The following FAM151B variants were observed in gnomAD, a reference collection of about 807,000 sequenced individuals.
FAM151B encodes protein FAM151B.
FAM151B carries 24 observed loss-of-function variants against 31.2 expected under a neutral mutation model. That is an observed-to-expected ratio of 0.77 (90% CI 0.56 to 1.08). FAM151B has a LOEUF of 1.08. Ranked by LOEUF, FAM151B falls within the 50% of genes least tolerant of loss-of-function variation. FAM151B has a pLI of 0.00. For missense variants in FAM151B, 293 were observed against 328.6 expected (o/e 0.89, Z 0.84); for synonymous variants, 105 against 111.4 (o/e 0.94, Z 0.36).
intron 1 of FAM151B, among the ~76,000 whole-genome samples, chr5:80,499,232 G>C (rs1459165037): frequency 6.6e-6 from 1 of 152,150 alleles, no homozygotes; most frequent in East Asian, 1.9e-4. Context: ...GTATGGAATA[G>C]ATCTGGGTTC....
chr5:80,534,741 C>G (rs556493507), intron 5 of FAM151B, among the ~76,000 whole-genome samples: 1 of 152,002 alleles, frequency 6.6e-6, no homozygotes, highest in Non-Finnish European at 1.5e-5. Context: ...TAACATAGTA[C>G]TAGAAGTCCT....
rs138638639 is a variant in FAM151B at position 80,499,332 on chromosome 5, T to C, written c.26-2460T>C. 7.6e-4 allele frequency among the ~76,000 whole-genome samples: 116 copies of C among 152,322 alleles called. No homozygotes were observed. In the Middle Eastern group the frequency reaches 0.01, roughly 13 times the overall value. On this transcript the variant is annotated intron_variant, in intron 1 of 5. Transcript: ENST00000282226. ...GAAAATATGTTATACCAAAAAGTAG[T>C]TGAAAGATATGAGAATTATGTATAT...
At chr5:80,514,357 C>T (rs376580726) in intron 3 of FAM151B, among the ~76,000 whole-genome samples, 2 of 151,794 alleles carry the variant, frequency 1.3e-5, no homozygotes, top group East Asian at 1.9e-4. Context: ...CGCCTGTAAT[C>T]ACAGCTACTG....
intron 1 of FAM151B, chr5:80,501,213 T>C: frequency 3.1e-6 from 1 of 325,728 alleles, no homozygotes; most frequent in Middle Eastern, 1.1e-3. Flanking sequence ...AGAGACAGGG[T>C]TCCACCATGT....
At chr5:80,496,941 G>A (rs1221583528) in intron 1 of FAM151B, among the ~76,000 whole-genome samples, 4 of 151,056 alleles carry the variant, frequency 2.6e-5, no homozygotes, top group African/African-American at 9.7e-5. Flanking sequence ...CTCCTGAGTA[G>A]CTGGGACTAC....
chr5:80,530,176 A>T (rs191096425), intron 5 of FAM151B, among the ~76,000 whole-genome samples: 12 of 152,188 alleles, frequency 7.9e-5, no homozygotes, highest in Admixed American at 7.2e-4. Flanking sequence ...CCTTTGACAA[A>T]ATTCAACAGC....
intron 2 of FAM151B, among the ~76,000 whole-genome samples, chr5:80,505,380 A>C (rs1045577942): frequency 6.6e-6 from 1 of 150,806 alleles, no homozygotes; most frequent in African/African-American, 2.5e-5. Context: ...GACATAGCAA[A>C]CATCCATTGA....
At chr5:80,527,193 T>A (rs1459481837) in intron 5 of FAM151B, among the ~76,000 whole-genome samples, 1 of 151,978 alleles carries the variant, frequency 6.6e-6, no homozygotes, top group African/African-American at 2.4e-5. Flanking sequence ...GAGGCCAAGG[T>A]GGGTGGATCA....
Position 80,538,485 on chromosome 5 carries a change from TCCTTCCTTCCTTC to T in FAM151B, c.672-3186_672-3174del, listed in dbSNP as rs1561383856. ...TTCTTTCTTTCTTTCTTTCTTTCTTTCCTTCCTTCCTTCCTTTCTTTTCTTTCTTTCCTTCCTT... is the reference window on the plus strand; with the variant it reads ...TTCTTTCTTTCTTTCTTTCTTTCTTTCTTTCTTTTCTTTCTTTCCTTCCTT... On this transcript the variant is annotated intron_variant, in intron 5 of 5. Transcript: ENST00000282226. Among the ~76,000 whole-genome samples, 43 of 134,060 alleles carry T rather than the reference TCCTTCCTTCCTTC, an allele frequency of 3.2e-4. 3 individuals are homozygous for T. The highest frequency in any genetic ancestry group is 1.1e-3 in the African/African-American group (37 of 33,430). The allele number at this position is 134,060 out of a possible 152,430, so 87.9% of individuals were successfully genotyped here.
Position 80,522,261 on chromosome 5 carries a change from A to C in FAM151B, c.671+123A>C, listed in dbSNP as rs141711375. ...GAAAGGTAGACAGAAAAGGAATGAAAACTGATGATATAAGCGCACAGACTC... is the reference window on the plus strand; with the variant it reads ...GAAAGGTAGACAGAAAAGGAATGAACACTGATGATATAAGCGCACAGACTC... On this transcript the variant is annotated intron_variant, in intron 5 of 5. Coordinates refer to ENST00000282226, the MANE Select transcript of FAM151B (RefSeq NM_205548.3). 1,440 of 1,036,402 alleles carry C rather than the reference A, an allele frequency of 1.4e-3. 9 individuals carry two copies. The African/African-American group carries it at 0.018, about 13-fold the overall frequency. The allele number at this position is 1,036,402 out of a possible 1,614,324, so 64.2% of individuals were successfully genotyped here.
intron 3 of FAM151B, among the ~76,000 whole-genome samples, chr5:80,519,487 C>A (rs1744605176): frequency 6.6e-6 from 1 of 152,190 alleles, no homozygotes. Flanking sequence ...AAGGTATATT[C>A]ATGAATAATA....
At chr5:80,512,433 C>T (rs893207939) in intron 2 of FAM151B, among the ~76,000 whole-genome samples, 2 of 152,124 alleles carry the variant, frequency 1.3e-5, no homozygotes, top group Non-Finnish European at 2.9e-5. Context: ...GTAAAGTGGC[C>T]TCTGAAGTGT....
chr5:80,513,789 C>A lies in FAM151B; in HGVS notation c.317+20C>A, dbSNP rs760779236. ...CAAAAGGTATTTGTATAAACACGTT[C>A]AATTTTCTGGGAAAAAAGTAATAGC... On this transcript the variant is annotated intron_variant, in intron 3 of 5. Transcript: ENST00000282226. 10 of 1,574,494 alleles carry A rather than the reference C, an allele frequency of 6.4e-6. No homozygotes were observed. The highest frequency in any genetic ancestry group is 1.4e-5 in the African/African-American group (1 of 73,284).
chr5:80,493,610 A>G (rs779599477), intron 1 of FAM151B, among the ~76,000 whole-genome samples: 1 of 152,190 alleles, frequency 6.6e-6, no homozygotes, highest in Non-Finnish European at 1.5e-5. Context: ...GGGGAAGTCT[A>G]TAGACAGCTG....
At chr5:80,528,438 A>G (rs6896128) in intron 5 of FAM151B, among the ~76,000 whole-genome samples, 47,633 of 151,982 alleles carry the variant, frequency 0.31, 7,639 homozygotes, top group East Asian at 0.43. Context: ...ATGAAAAAAA[A>G]AAAGAGCGAG....
In FAM151B at chr5:80,488,472, A is replaced by G. The variant is rs1193557762; in HGVS notation, c.25+324A>G. 2.0e-5 allele frequency among the ~76,000 whole-genome samples: 3 copies of G among 152,230 alleles called. No individual in the cohort carries two copies. The East Asian group carries it at 5.8e-4, about 29-fold the overall frequency. ...CTAATCCTTAATTTCAGCCGACCGT[A>G]TGGGGGCGGTCTGGGTCAGTAGGTT... is the stretch of plus-strand genomic sequence containing the variant. On this transcript the variant is annotated intron_variant, in intron 1 of 5. Coordinates refer to ENST00000282226, the MANE Select transcript of FAM151B (RefSeq NM_205548.3).
chr5:80,508,775 G>A (rs1371198847), intron 2 of FAM151B, among the ~76,000 whole-genome samples: 1 of 152,082 alleles, frequency 6.6e-6, no homozygotes, highest in Admixed American at 6.6e-5. Flanking sequence ...CTCTACTTTG[G>A]TATGCAAGTT....
intron 5 of FAM151B, among the ~76,000 whole-genome samples, chr5:80,537,389 C>A (rs1745565398): frequency 6.6e-6 from 1 of 152,128 alleles, no homozygotes; most frequent in Non-Finnish European, 1.5e-5. Flanking sequence ...AACTGTGCTG[C>A]CTTAGAGGAG....
At chr5:80,529,490 GC>G (rs1745124998) in intron 5 of FAM151B, among the ~76,000 whole-genome samples, 2 of 152,066 alleles carry the variant, frequency 1.3e-5, no homozygotes, top group African/African-American at 4.8e-5. Flanking sequence ...TAGACCGCTA[GC>G]AAGACTAATA....
Sources: allele counts gnomAD v4.1 joint callset (sites outside exome capture counted in the v4.1 genomes callset), GRCh38; gene constraint gnomAD v4.1.1; transcripts MANE v1.5; gene names NCBI Gene and HGNC (gene_info 2026-07-23, HGNC 2026-07-21).